EYS: variants seen among roughly 807,000 people sequenced by gnomAD.
EYS encodes EGF-like photoreceptor maintenance factor.
Under a neutral mutation model 282.1 loss-of-function variants are expected in EYS, and 250 were observed. The observed-to-expected ratio is 0.89, with a 90% CI of 0.80 to 0.98. EYS has a LOEUF of 0.98. Among genes scored for constraint, EYS ranks in the 50% least tolerant of loss-of-function variants. The probability of loss-of-function intolerance (pLI) is 0.00; values close to 1 mark genes in which losing one functional copy is unlikely to be tolerated. For missense variants in EYS, 4,016 were observed against 3,709.0 expected, an observed-to-expected ratio of 1.08 and a Z score of -2.15; for synonymous variants, 1,355 against 1,282.9, an observed-to-expected ratio of 1.06 and a Z score of -1.20.
At chr6:64,546,848 G>A (rs979261054) in intron 26 of EYS, among the ~76,000 whole-genome samples, 14 of 152,116 alleles carry the variant, frequency 9.2e-5, no homozygotes, top group African/African-American at 3.4e-4. Context: ...AGTTAGAATG[G>A]CGATCATTAA....
intron 11 of EYS, among the ~76,000 whole-genome samples, chr6:65,323,566 G>A (rs1446161956): frequency 2.1e-5 from 3 of 146,314 alleles, no homozygotes; most frequent in Non-Finnish European, 4.5e-5. Context: ...AATCCATACC[G>A]TGATTTTATG....
At chr6:65,340,684 A>G (rs1046350074) in intron 10 of EYS, among the ~76,000 whole-genome samples, 20 of 151,212 alleles carry the variant, frequency 1.3e-4, no homozygotes, top group African/African-American at 4.1e-4. Context: ...CTCTACACCA[A>G]ATAAATAACT....
chr6:64,395,641 G>C (rs1253490806), intron 28 of EYS, among the ~76,000 whole-genome samples: 1 of 131,014 alleles, frequency 7.6e-6, no homozygotes, highest in South Asian at 2.6e-4. Flanking sequence ...GTCGGGTTGG[G>C]GGGAGGGGGG....
At chr6:65,125,579 G>A (rs1775695400) in intron 12 of EYS, among the ~76,000 whole-genome samples, 1 of 151,996 alleles carries the variant, frequency 6.6e-6, no homozygotes, top group Non-Finnish European at 1.5e-5. Context: ...ATTTATTATA[G>A]ACTAAAGCTG....
intron 11 of EYS, chr6:65,330,329 A>T (rs1769749552): frequency 1.0e-6 from 1 of 978,822 alleles, no homozygotes. Context: ...GCAAGTAGGG[A>T]TTGGTGACTT....
chr6:64,592,136 T>TA, intron 25 of EYS, 147 bp from the exon 26 acceptor site: 1 of 532,484 alleles, frequency 1.9e-6, no homozygotes, highest in Non-Finnish European at 3.2e-6. Context: ...ATATTTCTAA[T>TA]AAAAGTACAT....
At chr6:64,156,621 AG>A (rs1350315294) in intron 31 of EYS, among the ~76,000 whole-genome samples, 2 of 152,186 alleles carry the variant, frequency 1.3e-5, no homozygotes, top group Non-Finnish European at 2.9e-5. Flanking sequence ...AAAGTCTGAT[AG>A]TGATATGGAC....
intron 12 of EYS, among the ~76,000 whole-genome samples, chr6:65,102,854 T>C (rs1774932519): frequency 6.6e-6 from 1 of 151,418 alleles, no homozygotes; most frequent in Non-Finnish European, 1.5e-5. Context: ...CTTAATTGTT[T>C]TATTAGGATA....
intron 21 of EYS, among the ~76,000 whole-genome samples, chr6:64,814,860 T>C (rs977560297): frequency 6.6e-6 from 1 of 152,034 alleles, no homozygotes; most frequent in Admixed American, 6.6e-5. Flanking sequence ...AAATACTTCT[T>C]CAGCGTTTTA....
chr6:64,337,277 T>A (rs1420215874), intron 29 of EYS, among the ~76,000 whole-genome samples: 1 of 151,862 alleles, frequency 6.6e-6, no homozygotes, highest in Non-Finnish European at 1.5e-5. Context: ...AATAACCTCA[T>A]TAAGAAAAGA....
chr6:65,527,111 A>G (rs1323676899), intron 2 of EYS, among the ~76,000 whole-genome samples: 1 of 152,196 alleles, frequency 6.6e-6, no homozygotes, highest in African/African-American at 2.4e-5. Flanking sequence ...TCCATGGGAC[A>G]GAATGACTTT....
chr6:63,869,045 CT>C (rs367834945), intron 35 of EYS, among the ~76,000 whole-genome samples: 10 of 152,178 alleles, frequency 6.6e-5, no homozygotes, highest in African/African-American at 2.4e-4. Context: ...TTGTGGTGGC[CT>C]AGAAAGTGAA....
At chr6:64,062,234 T>C (rs1771201903) in intron 33 of EYS, among the ~76,000 whole-genome samples, 1 of 152,066 alleles carries the variant, frequency 6.6e-6, no homozygotes, top group Non-Finnish European at 1.5e-5. Flanking sequence ...CAAGAGAAGG[T>C]GACATAAACA....
intron 24 of EYS, among the ~76,000 whole-genome samples, chr6:64,595,519 A>C (rs1766557535): frequency 6.6e-6 from 1 of 152,164 alleles, no homozygotes; most frequent in African/African-American, 2.4e-5. Flanking sequence ...AGAAGACATA[A>C]TCTTATATAT....
chr6:65,368,435 G>A (rs67984165), intron 8 of EYS, among the ~76,000 whole-genome samples: 32,244 of 151,306 alleles, frequency 0.21, 4,049 homozygotes, highest in Non-Finnish European at 0.27. Context: ...ATTATTGTTT[G>A]CTGCCTAGGA....
intron 22 of EYS, among the ~76,000 whole-genome samples, chr6:64,716,567 G>A (rs966874267): frequency 3.3e-5 from 5 of 152,144 alleles, no homozygotes; most frequent in Non-Finnish European, 5.9e-5. Context: ...AGAGGAAGAC[G>A]TTGCCACCTT....
intron 19 of EYS, among the ~76,000 whole-genome samples, chr6:64,867,971 C>T (rs1162863958): frequency 6.6e-6 from 1 of 151,164 alleles, no homozygotes; most frequent in Non-Finnish European, 1.5e-5. Context: ...AAATAAAAAG[C>T]CTGTGGATAA....
chr6:64,934,514 G>A (rs114036578), intron 15 of EYS, among the ~76,000 whole-genome samples: 1,550 of 151,786 alleles, frequency 0.01, 14 homozygotes, highest in African/African-American at 0.036. Context: ...CATCAAGAAA[G>A]AAAGTGATTT....
At chr6:65,655,836 T>C (rs772717380) in intron 1 of EYS, among the ~76,000 whole-genome samples, 10 of 151,826 alleles carry the variant, frequency 6.6e-5, no homozygotes, top group Non-Finnish European at 1.3e-4. Context: ...CTGTGAACAA[T>C]GTTGAAATAA....
Sources: gnomAD v4.1 joint callset for allele counts (sites outside exome capture counted in the v4.1 genomes callset) on GRCh38, gnomAD v4.1.1 for gene constraint, MANE v1.5 for transcripts, NCBI Gene and HGNC (gene_info 2026-07-23, HGNC 2026-07-21) for gene names.